CCDC9B: variants seen among roughly 807,000 people sequenced by gnomAD.
The protein encoded by CCDC9B is coiled-coil domain-containing protein 9B.
A neutral mutation model predicts 47.2 loss-of-function variants in CCDC9B; 40 were observed. That is an observed-to-expected ratio of 0.85 (90% CI 0.66 to 1.10). The LOEUF (loss-of-function observed/expected upper bound fraction) is 1.10, where lower values mean the gene tolerates loss of function less well. Ranked by LOEUF, CCDC9B falls within the 50% of genes least tolerant of loss-of-function variation. The pLI is 0.00. For missense variants in CCDC9B, 662 were observed against 651.0 expected, an observed-to-expected ratio of 1.02 and a Z score of -0.18; for synonymous variants, 238 against 250.7, an observed-to-expected ratio of 0.95 and a Z score of 0.48.
At position 40,337,828 on chromosome 15, in the gene CCDC9B, C is replaced by T. The variant is rs775519228; in HGVS notation, c.579G>A (p.Gln193=). ...EPPEAGWDYA[Q]WKQEREQIDL... ...CGATCTGCTCCCGCTCCTGCTTCCA[C>T]TGGGCATAGTCCCAGCCCGCCTCCG... Residue 193 remains glutamine (Q), a synonymous_variant, in exon 6 of 11, where the codon CAG becomes CAA. Transcript: ENST00000397536. 6.2e-7 allele frequency: 1 copy of T among 1,610,812 alleles called. No individual in the cohort carries two copies. The highest frequency in any genetic ancestry group is 2.2e-5 in the East Asian group (1 of 44,866).
rs1889042162 is a variant in CCDC9B at position 40,339,551 on chromosome 15, C to T, written c.192G>A (p.Gln64=). 4 of 1,612,706 alleles carry T rather than the reference C, an allele frequency of 2.5e-6. No individual in the cohort carries two copies. Among genetic ancestry groups the T allele is most frequent in the Non-Finnish European group, 3.4e-6 (4 of 1,178,924 alleles). ...GMAVTTPALL[Q]PDGLTVTISQ... is the part of the protein sequence containing the mutation. ...TGATGGTAACGGTGAGGCCATCAGG[C>T]TGGAGGAGTGCTGGTGTGGTCACAG... Residue 64 remains glutamine, a synonymous_variant, in exon 3 of 11, where the codon CAG becomes CAA. Transcript: ENST00000397536.
rs752893010 is a variant in CCDC9B at position 40,335,444 on chromosome 15, C to A, written c.1187G>T (p.Gly396Val). 60 of 1,609,534 alleles carry A rather than the reference C, an allele frequency of 3.7e-5. No individual in the cohort carries two copies. The highest frequency in any genetic ancestry group is 4.8e-5 in the Non-Finnish European group (57 of 1,178,304). Residue 396 changes from glycine to valine, a missense_variant, in exon 11 of 11, where the codon GGT (glycine) becomes GTT (valine). Transcript: ENST00000397536. ...GCTCTCCTGGGCCCCAGGCCTCAGA[C>A]CGAGCACACACCCGCTCTCCCTGGG... ...PGPRESGCVL[G>V]LRPGAQESPV...
Position 40,336,804 on chromosome 15 carries a change from C to T in CCDC9B, c.752G>A (p.Ser251Asn). The T allele has an allele frequency of 3.8e-6, 6 of 1,594,020 alleles. No individual in the cohort carries two copies. The highest frequency in any genetic ancestry group is 5.1e-6 in the Non-Finnish European group (6 of 1,173,992). The part of the protein sequence containing the change: ...ARAGSRRGPR[S>N]HQKLQPPPLL... ...TGGTGGGGGCTGTAGTTTCTGGTGG[C>T]TCCTGGGACCTGCGGGGGACAAAAG... The change falls in exon 8 of 11, where the codon AGC (serine) becomes AAC (asparagine). Residue 251 changes from serine (S) to asparagine (N), a missense_variant. Physicochemically the swap from Ser to Asn is conservative, Grantham distance 46 (BLOSUM62 1). Coordinates refer to ENST00000397536, the MANE Select transcript of CCDC9B (RefSeq NM_207380.3).
At position 40,335,975 on chromosome 15, in the gene CCDC9B, A is replaced by G. The variant is rs1218627009; in HGVS notation, c.888-149T>C. 7 of 1,492,328 alleles carry G rather than the reference A, an allele frequency of 4.7e-6. No homozygotes were observed. In the South Asian group the frequency reaches 6.6e-5, roughly 14 times the overall value. The allele number at this position is 1,492,328 out of a possible 1,614,324, so 92.4% of individuals were successfully genotyped here. ...GTTTAGGCCTCACACTGAGCAGTGG[A>G]GAAATCCCAGGGGTGACCCAGACTC... is the stretch of plus-strand genomic sequence containing the variant. On this transcript the variant is annotated intron_variant, in intron 9 of 10. Coordinates refer to ENST00000397536, the MANE Select transcript of CCDC9B (RefSeq NM_207380.3).
rs376289527 is a variant in CCDC9B, at chr15:40,340,825, C to T, written c.-6G>A. The T allele has an allele frequency of 1.1e-5, 17 of 1,609,000 alleles. No homozygotes were observed. The highest frequency in any genetic ancestry group is 4.0e-5 in the African/African-American group (3 of 74,798). On this transcript the variant is annotated 5_prime_UTR_variant, in exon 1 of 11. Coordinates refer to ENST00000397536, the MANE Select transcript of CCDC9B (RefSeq NM_207380.3). ...CCACTCACAGCCGAGTGCATGGCAA[C>T]GGCGGGCACCGAGAGAATTCCAGAG...
chr15:40,339,319 C>A (rs1469033554), intron 3 of CCDC9B, 193 bp downstream of exon 3: 1 of 611,074 alleles, frequency 1.6e-6, no homozygotes, highest in Admixed American at 2.9e-5. Flanking sequence ...GATGCATCTA[C>A]TGGGGGTAGG....
In CCDC9B at chr15:40,337,414, C is replaced by T. The variant is rs527306291; in HGVS notation, c.716G>A (p.Gly239Asp). The T allele has an allele frequency of 6.9e-6, 11 of 1,604,274 alleles. No individual in the cohort carries two copies. The highest frequency in any genetic ancestry group is 9.4e-6 in the Non-Finnish European group (11 of 1,175,298). Reference sequence around the variant, plus strand: ...CCTTCTGCTGCCTGCCCTGGCCGGGCCTTCTCCCCTCAGCTGGCTGCAGTC... The same window carrying T: ...CCTTCTGCTGCCTGCCCTGGCCGGGTCTTCTCCCCTCAGCTGGCTGCAGTC... ...LQDCSQLRGE[G>D]PARAGSRRGP... Residue 239 changes from glycine to aspartate, a missense_variant, in exon 7 of 11, where the codon GGC (glycine) becomes GAC (aspartate). By Grantham distance (94) the Gly-to-Asp change is moderately conservative. Transcript: ENST00000397536.
rs1888919370 is a variant in CCDC9B, at chr15:40,334,742, G to A, written c.*416C>T. 6.3e-6 allele frequency: 1 copy of A among 159,088 alleles called. No individual in the cohort carries two copies. Among genetic ancestry groups the A allele is most frequent in the Admixed American group, 6.5e-5 (1 of 15,440 alleles). The allele number at this position is 159,088 out of a possible 1,614,324, so 9.9% of individuals were successfully genotyped here. A position where few individuals can be genotyped will look rare whatever the true frequency, so the allele number is the denominator to read the frequency against. Reference sequence around the variant, plus strand: ...GGGGAATCCAGCCCAGGCAAGAGGTGAAAGCCTGCAGCTGGAGAGGGAGGC... The same window carrying A: ...GGGGAATCCAGCCCAGGCAAGAGGTAAAAGCCTGCAGCTGGAGAGGGAGGC... On this transcript the variant is annotated 3_prime_UTR_variant, in exon 11 of 11. Coordinates refer to ENST00000397536, the MANE Select transcript of CCDC9B (RefSeq NM_207380.3).
rs1248833941 is a variant in CCDC9B, at chr15:40,339,238, G to A, written c.231+274C>T. On this transcript the variant is annotated intron_variant, in intron 3 of 10. Coordinates refer to ENST00000397536, the MANE Select transcript of CCDC9B (RefSeq NM_207380.3). ...CTTCCTGCAGGGTTTTAGCCCCTGG[G>A]GCTTGAGGTTTAGGAGTGGCCTGTG... is the stretch of plus-strand genomic sequence containing the variant. 4 of 582,724 alleles carry A rather than the reference G, an allele frequency of 6.9e-6. No individual in the cohort carries two copies. The Admixed American group carries it at 1.2e-4, about 18-fold the overall frequency. 36.1% of individuals were successfully genotyped at this position (582,724 alleles called of 1,614,324 possible).
intron 2 of CCDC9B, 123 bp downstream of exon 2, chr15:40,339,782 C>T: frequency 7.2e-7 from 1 of 1,386,408 alleles, no homozygotes; most frequent in Non-Finnish European, 9.9e-7. Flanking sequence ...AGGGACCATG[C>T]CCACCCTACC....
chr15:40,336,575 T>A lies in CCDC9B; in HGVS notation c.886A>T (p.Arg296Trp), dbSNP rs774726809. 6.2e-7 allele frequency: 1 copy of A among 1,611,518 alleles called. No individual in the cohort carries two copies. Among genetic ancestry groups the A allele is most frequent in the South Asian group, 1.1e-5 (1 of 90,992 alleles). The change falls in exon 9 of 11, where the codon AGG (arginine) becomes TGG (tryptophan). Residue 296 changes from arginine (R) to tryptophan (W), a missense_variant and splice_region_variant. Arg to Trp is a moderately radical substitution (Grantham distance 101). Transcript: ENST00000397536. The part of the protein sequence containing the change: ...GKERLTGRAR[R>W]WDMKEDKEEL... ...ATTTTGTCCCCTGCCACCTGTTACCTTCGGGCCCTGCCAGTCAGCCTCTCC... is the reference window on the plus strand; with the variant it reads ...ATTTTGTCCCCTGCCACCTGTTACCATCGGGCCCTGCCAGTCAGCCTCTCC...
chr15:40,335,343 T>C lies in CCDC9B; in HGVS notation c.1288A>G (p.Thr430Ala), dbSNP rs774734344. ...SNHQAELEVQ[T>A]CPEPQRGAGL... The stretch of plus-strand genomic sequence containing the variant: ...GCTCCTCTCTGTGGCTCAGGGCAAG[T>C]CTGTACTTCCAGCTCAGCCTGGTGA... The change falls in exon 11 of 11, where the codon ACT becomes GCT. Residue 430 changes from threonine to alanine, a missense_variant. By Grantham distance (58) the Thr-to-Ala change is moderately conservative (BLOSUM62 0). Coordinates refer to ENST00000397536, the MANE Select transcript of CCDC9B (RefSeq NM_207380.3). The C allele has an allele frequency of 1.9e-6, 3 of 1,613,344 alleles. No individual in the cohort carries two copies. The African/African-American group carries it at 4.0e-5, about 22-fold the overall frequency.
intron 7 of CCDC9B, 151 bp from the exon 8 acceptor site, chr15:40,336,964 A>AT (rs1888975478): frequency 2.9e-6 from 2 of 686,570 alleles, no homozygotes; most frequent in Non-Finnish European, 5.0e-6. Flanking sequence ...GGTCAGGAGA[A>AT]TAGGGTCCTG....
At position 40,337,769 on chromosome 15, in the gene CCDC9B, T is replaced by A; in HGVS notation, c.638A>T (p.Gln213Leu). The A allele has an allele frequency of 1.2e-6, 2 of 1,609,494 alleles. No homozygotes were observed. Among genetic ancestry groups the A allele is most frequent in the Non-Finnish European group, 1.7e-6 (2 of 1,179,682 alleles). ...GTCCCACGGGCGGCGCCAGTCACCC[T>A]GTGCGTCTCTGTGCCGGGCGAGGCG... ...LARLARHRDA[Q>L]GDWRRPWDLD... The change falls in exon 6 of 11, where the codon CAG becomes CTG. Residue 213 changes from glutamine to leucine, a missense_variant. Physicochemically the swap from Gln to Leu is moderately radical, Grantham distance 113 (BLOSUM62 -2). Transcript: ENST00000397536.
chr15:40,335,446 G>C lies in CCDC9B; in HGVS notation c.1185C>G (p.Leu395=), dbSNP rs756386624. The change falls in exon 11 of 11, where the codon CTC becomes CTG. Residue 395 remains leucine (L), a synonymous_variant. Transcript: ENST00000397536. ...TCTCCTGGGCCCCAGGCCTCAGACC[G>C]AGCACACACCCGCTCTCCCTGGGCC... ...IPGPRESGCV[L]GLRPGAQESP... is the part of the protein sequence containing the mutation. 1.0e-4 allele frequency: 165 copies of C among 1,608,980 alleles called. No individual in the cohort carries two copies. The highest frequency in any genetic ancestry group is 1.2e-4 in the Non-Finnish European group (147 of 1,178,020).
chr15:40,335,990 G>A (rs1888951459), intron 9 of CCDC9B, 164 bp from the exon 10 acceptor site: 2 of 985,276 alleles, frequency 2.0e-6, no homozygotes, highest in Non-Finnish European at 1.2e-6. Flanking sequence ...TCCCAGGGGT[G>A]ACCCAGACTC....
intron 9 of CCDC9B, chr15:40,336,167 A>G (rs1044630861): frequency 2.0e-6 from 2 of 985,266 alleles, no homozygotes; most frequent in Admixed American, 6.1e-5. Flanking sequence ...TGGCTCCAGG[A>G]TGCTTCCCCC....
chr15:40,339,035 C>T, intron 3 of CCDC9B, 132 bp from the exon 4 acceptor site: 1 of 1,019,530 alleles, frequency 9.8e-7, no homozygotes, highest in Non-Finnish European at 1.5e-6. Flanking sequence ...GAGCTGACTC[C>T]CACAGGGTGT....
Position 40,335,309 on chromosome 15 carries a change from G to C in CCDC9B, c.1322C>G (p.Pro441Arg), listed in dbSNP as rs781424201. Reference protein sequence around the residue: ...CPEPQRGAGLPEPGEDRSGKS... With the variant: ...CPEPQRGAGLREPGEDRSGKS... ...GCCAGACCTGTCTTCTCCGGGCTCT[G>C]GGAGCCCTGCTCCTCTCTGTGGCTC... Residue 441 changes from proline (P) to arginine (R), a missense_variant, in exon 11 of 11, where the codon CCA (proline) becomes CGA (arginine). Physicochemically the swap from Pro to Arg is moderately radical, Grantham distance 103 (BLOSUM62 -2). Coordinates refer to ENST00000397536, the MANE Select transcript of CCDC9B (RefSeq NM_207380.3). 6 of 1,613,296 alleles carry C rather than the reference G, an allele frequency of 3.7e-6. No homozygotes were observed. The highest frequency in any genetic ancestry group is 1.7e-5 in the Admixed American group (1 of 59,968).
Sources: gnomAD v4.1 joint callset for allele counts on GRCh38, gnomAD v4.1.1 for gene constraint, MANE v1.5 for transcripts, NCBI Gene and HGNC (gene_info 2026-07-23, HGNC 2026-07-21) for gene names.